SNX29: variants seen among roughly 807,000 people sequenced by gnomAD.
SNX29 encodes sorting nexin 29.
In SNX29, 78 loss-of-function variants were observed where a neutral mutation model predicts 102.1. That is an observed-to-expected ratio of 0.76 (90% confidence interval 0.64 to 0.92). The LOEUF (loss-of-function observed/expected upper bound fraction) is 0.92. SNX29 is among the 40% of genes least tolerant of loss of function. The pLI is 0.00. For synonymous variants in SNX29, 580 were observed against 414.5 expected (o/e 1.40, Z -4.85); for missense variants, 1,280 against 1,061.7 (o/e 1.21, Z -2.86).
At chr16:12,430,852 C>CT (rs56349621) in intron 18 of SNX29, among the ~76,000 whole-genome samples, 4,744 of 139,106 alleles carry the variant, frequency 0.034, 250 homozygotes, top group African/African-American at 0.11. Flanking sequence ...TTGACGCAGT[C>CT]TTTTTTTTTT....
chr16:12,531,396 G>T (rs1446974205), intron 20 of SNX29, among the ~76,000 whole-genome samples: 1 of 151,838 alleles, frequency 6.6e-6, no homozygotes, highest in Non-Finnish European at 1.5e-5. Context: ...GATGGGCTAG[G>T]GTGCCCTCAA....
At chr16:12,099,385 G>T (rs1332776559) in intron 11 of SNX29, among the ~76,000 whole-genome samples, 1 of 152,170 alleles carries the variant, frequency 6.6e-6, no homozygotes, top group African/African-American at 2.4e-5. Context: ...TTTTTGAATG[G>T]GGTTGTGTAG....
At chr16:12,195,341 C>T (rs2076747215) in intron 13 of SNX29, among the ~76,000 whole-genome samples, 2 of 152,246 alleles carry the variant, frequency 1.3e-5, no homozygotes, top group Admixed American at 1.3e-4. Context: ...AAAGCATCCT[C>T]ATGCATATGG....
At chr16:12,324,080 C>T (rs978723888) in intron 15 of SNX29, among the ~76,000 whole-genome samples, 2 of 152,006 alleles carry the variant, frequency 1.3e-5, no homozygotes, top group African/African-American at 2.4e-5. Flanking sequence ...ATTGGACCAT[C>T]GCAGTGTGCT....
chr16:12,203,364 A>G (rs528603907), intron 14 of SNX29, among the ~76,000 whole-genome samples: 1 of 151,714 alleles, frequency 6.6e-6, no homozygotes, highest in African/African-American at 2.4e-5. Flanking sequence ...GACTGGTGGC[A>G]TTGGAGGTGA....
At chr16:12,013,542 T>TATATATATAGAGAGAGAGAGAGAG (rs1382498593) in intron 3 of SNX29, among the ~76,000 whole-genome samples, 2 of 109,076 alleles carry the variant, frequency 1.8e-5, no homozygotes, top group African/African-American at 7.0e-5. Context: ...TATATATATA[T>TATATATATAGAGAGAGAGAGAGAG]CGAGAGAGGA....
chr16:12,482,919 A>T (rs1304069694), intron 19 of SNX29, among the ~76,000 whole-genome samples: 1 of 152,148 alleles, frequency 6.6e-6, no homozygotes, highest in Non-Finnish European at 1.5e-5. Flanking sequence ...CTGTTGCTTT[A>T]ATATGCCATG....
At chr16:12,212,129 C>G (rs1020711172) in intron 14 of SNX29, among the ~76,000 whole-genome samples, 1 of 152,162 alleles carries the variant, frequency 6.6e-6, no homozygotes, top group African/African-American at 2.4e-5. Flanking sequence ...CGAGCTAGCC[C>G]AGAGACGCCT....
chr16:11,978,508 T>G (rs2055350350), intron 1 of SNX29, among the ~76,000 whole-genome samples: 1 of 152,206 alleles, frequency 6.6e-6, no homozygotes, highest in African/African-American at 2.4e-5. Flanking sequence ...ACTGTGAATA[T>G]CACGAGGTGC....
chr16:12,418,091 G>T (rs1165563043), intron 18 of SNX29, among the ~76,000 whole-genome samples: 1 of 152,160 alleles, frequency 6.6e-6, no homozygotes, highest in Non-Finnish European at 1.5e-5. Context: ...TGTCGGGAAA[G>T]TGCTTCCCTG....
chr16:12,554,495 G>C (rs539207649), intron 20 of SNX29, among the ~76,000 whole-genome samples: 56 of 152,350 alleles, frequency 3.7e-4, no homozygotes, highest in African/African-American at 1.3e-3. Context: ...TGGTTTCCAA[G>C]CTTCCTCCGC....
intron 13 of SNX29, among the ~76,000 whole-genome samples, chr16:12,130,153 G>A (rs1390834433): frequency 6.8e-6 from 1 of 148,074 alleles, no homozygotes; most frequent in Non-Finnish European, 1.5e-5. Context: ...AAAAAAACCT[G>A]AGCACACGTT....
At chr16:12,214,139 A>T (rs982694173) in intron 14 of SNX29, among the ~76,000 whole-genome samples, 12 of 106,194 alleles carry the variant, frequency 1.1e-4, no homozygotes, top group Non-Finnish European at 2.1e-4. Context: ...CCTCCCTGGC[A>T]GGGGCTTTCT....
chr16:12,549,921 T>G (rs1408627987), intron 20 of SNX29, among the ~76,000 whole-genome samples: 1 of 152,246 alleles, frequency 6.6e-6, no homozygotes, highest in East Asian at 1.9e-4. Context: ...AGGCCAAATC[T>G]TACCCTCCAC....
intron 16 of SNX29, chr16:12,376,127 G>GCCA (rs1386600697): frequency 2.6e-5 from 4 of 151,304 alleles, no homozygotes; most frequent in Admixed American, 1.3e-4. Context: ...CTAGGGCCAA[G>GCCA]CCACACTCAG....
chr16:12,013,539 A>ATATATC lies in SNX29; in HGVS notation c.122+10499_122+10500insATCTAT, dbSNP rs1661015763. Among the ~76,000 whole-genome samples, 5 of 121,192 alleles carry ATATATC rather than the reference A, an allele frequency of 4.1e-5. 1 individual carries two copies. Among genetic ancestry groups the ATATATC allele is most frequent in the African/African-American group, 1.5e-4 (5 of 32,790 alleles). 79.5% of individuals were successfully genotyped at this position (121,192 alleles called of 152,430 possible). A position where few individuals can be genotyped will look rare whatever the true frequency, so the allele number is the denominator to read the frequency against. On this transcript the variant is annotated intron_variant, in intron 3 of 20. Transcript: ENST00000566228. Reference sequence around the variant, plus strand: ...TATATATATATATATATATATATATATATCGAGAGAGGAGAAAAGGGTGGT... The same window carrying ATATATC: ...TATATATATATATATATATATATATATATATCTATCGAGAGAGGAGAAAAGGGTGGT...
chr16:12,078,610 G>A (rs1463384470), intron 10 of SNX29, among the ~76,000 whole-genome samples: 1 of 152,232 alleles, frequency 6.6e-6, no homozygotes, highest in Non-Finnish European at 1.5e-5. Context: ...GATTGTGAAA[G>A]CACCTCAAGT....
chr16:12,199,508 T>G (rs138314625), intron 13 of SNX29, 93 bp from the exon 14 acceptor site: 1 of 1,013,910 alleles, frequency 9.9e-7, no homozygotes, highest in East Asian at 2.6e-5. Flanking sequence ...GTGCTTTTCT[T>G]TACACAAATT....
At chr16:12,565,185 C>G (rs2078946099) in intron 20 of SNX29, among the ~76,000 whole-genome samples, 1 of 152,156 alleles carries the variant, frequency 6.6e-6, no homozygotes, top group African/African-American at 2.4e-5. Context: ...CAACCCCCCA[C>G]CTTCAGATTC....
Sources: gnomAD v4.1 joint callset for allele counts (sites outside exome capture counted in the v4.1 genomes callset) on GRCh38, gnomAD v4.1.1 for gene constraint, MANE v1.5 for transcripts, NCBI Gene and HGNC (gene_info 2026-07-23, HGNC 2026-07-21) for gene names.